Variants in ANKS1B observed in about 807,000 individuals in gnomAD.
The protein encoded by ANKS1B is ankyrin repeat and sterile alpha motif domain-containing protein 1B.
A neutral mutation model predicts 148.3 loss-of-function variants in ANKS1B; 36 were observed. The observed-to-expected ratio is 0.24, with a 90% confidence interval of 0.19 to 0.32. The LOEUF is 0.32. Ranked by LOEUF, ANKS1B falls within the 10% of genes least tolerant of loss-of-function variation. The pLI is 1.00. For missense variants in ANKS1B, 1,157 were observed against 1,542.6 expected (o/e 0.75, Z 4.19); for synonymous variants, 542 against 560.8 (o/e 0.97, Z 0.47).
At chr12:99,168,579 G>C (rs1276362985) in intron 14 of ANKS1B, among the ~76,000 whole-genome samples, 1 of 151,924 alleles carries the variant, frequency 6.6e-6, no homozygotes, top group Non-Finnish European at 1.5e-5. Flanking sequence ...AGAATGATGA[G>C]GAGGGAAGCA....
intron 7 of ANKS1B, among the ~76,000 whole-genome samples, chr12:99,773,837 T>A (rs889291817): frequency 3.3e-5 from 5 of 152,138 alleles, no homozygotes; most frequent in Non-Finnish European, 7.4e-5. Context: ...TCTGTTTTCA[T>A]GCCTGTACCA....
intron 17 of ANKS1B, among the ~76,000 whole-genome samples, chr12:98,908,373 C>G (rs1027394795): frequency 2.0e-5 from 3 of 152,198 alleles, no homozygotes; most frequent in Non-Finnish European, 4.4e-5. Context: ...CTACCATTAC[C>G]TTCTCTGTGA....
chr12:99,128,684 G>A (rs2372734), intron 15 of ANKS1B, among the ~76,000 whole-genome samples: 1 of 151,974 alleles, frequency 6.6e-6, no homozygotes, highest in South Asian at 2.1e-4. Flanking sequence ...ATACTCAGGA[G>A]CAGCCTGTGG....
At chr12:99,235,389 T>C (rs1051147432) in intron 14 of ANKS1B, among the ~76,000 whole-genome samples, 10 of 152,098 alleles carry the variant, frequency 6.6e-5, no homozygotes, top group African/African-American at 1.9e-4. Flanking sequence ...ATCCTCAGTA[T>C]TGAGGAACTT....
chr12:98,857,948 GTC>G (rs2152082004), intron 17 of ANKS1B, among the ~76,000 whole-genome samples: 1 of 152,280 alleles, frequency 6.6e-6, no homozygotes, highest in East Asian at 1.9e-4. Flanking sequence ...CTATGGTGTA[GTC>G]TTATCTTTTT....
chr12:98,837,867 AAAGT>A (rs1411862158), intron 17 of ANKS1B, among the ~76,000 whole-genome samples: 1 of 152,222 alleles, frequency 6.6e-6, no homozygotes, highest in Non-Finnish European at 1.5e-5. Flanking sequence ...TGCTTTTAAA[AAAGT>A]AAATAACATT....
intron 8 of ANKS1B, among the ~76,000 whole-genome samples, chr12:99,767,579 T>C (rs1010141128): frequency 2.0e-5 from 3 of 152,054 alleles, no homozygotes; most frequent in African/African-American, 2.4e-5. Flanking sequence ...ATAAAGAGAA[T>C]AGAAAATTTT....
intron 8 of ANKS1B, among the ~76,000 whole-genome samples, chr12:99,676,336 A>C (rs756920949): frequency 3.9e-5 from 6 of 152,200 alleles, no homozygotes; most frequent in Non-Finnish European, 7.3e-5. Flanking sequence ...AAATATATTA[A>C]AACACATCTC....
intron 8 of ANKS1B, among the ~76,000 whole-genome samples, chr12:99,667,543 T>C (rs916435878): frequency 6.6e-6 from 1 of 152,158 alleles, no homozygotes; most frequent in African/African-American, 2.4e-5. Flanking sequence ...AATAAAGAGT[T>C]TTACTTTTCT....
intron 11 of ANKS1B, among the ~76,000 whole-genome samples, chr12:99,434,942 A>G (rs936503597): frequency 8.5e-5 from 13 of 152,130 alleles, no homozygotes; most frequent in African/African-American, 3.1e-4. Flanking sequence ...GTGGGCACAA[A>G]GTATAAAAAA....
chr12:98,776,466 G>C (rs968998521), intron 24 of ANKS1B, among the ~76,000 whole-genome samples: 2 of 152,224 alleles, frequency 1.3e-5, no homozygotes, highest in African/African-American at 4.8e-5. Flanking sequence ...CTTGGGGATA[G>C]AAATTCTGGC....
intron 1 of ANKS1B, among the ~76,000 whole-genome samples, chr12:99,890,621 G>A (rs981898166): frequency 9.1e-6 from 1 of 110,458 alleles, no homozygotes; most frequent in Non-Finnish European, 2.0e-5. Flanking sequence ...GTGTGTGTGT[G>A]TGTATTCTCT....
chr12:99,782,958 G>A (rs1173212182), intron 4 of ANKS1B, among the ~76,000 whole-genome samples: 2 of 152,122 alleles, frequency 1.3e-5, no homozygotes, highest in Non-Finnish European at 2.9e-5. Context: ...GGGAGCCAAG[G>A]CAGGTGGATT....
At chr12:99,054,011 T>C (rs1466719355) in intron 16 of ANKS1B, among the ~76,000 whole-genome samples, 2 of 152,184 alleles carry the variant, frequency 1.3e-5, no homozygotes, top group Non-Finnish European at 2.9e-5. Flanking sequence ...TGAGTTTAAA[T>C]TGGAGTGTGA....
chr12:99,130,206 A>G (rs938191312), intron 15 of ANKS1B, among the ~76,000 whole-genome samples: 1 of 152,208 alleles, frequency 6.6e-6, no homozygotes, highest in Admixed American at 6.5e-5. Flanking sequence ...TAATCCAGCA[A>G]TTTCTTCCAC....
At chr12:99,588,929 C>A (rs2097671303) in intron 9 of ANKS1B, among the ~76,000 whole-genome samples, 1 of 152,138 alleles carries the variant, frequency 6.6e-6, no homozygotes, top group Admixed American at 6.6e-5. Context: ...ATTTCCCTAC[C>A]TATTTTATTA....
chr12:99,254,852 A>G (rs1474428591), intron 12 of ANKS1B, among the ~76,000 whole-genome samples: 4 of 152,216 alleles, frequency 2.6e-5, no homozygotes, highest in African/African-American at 9.6e-5. Context: ...ATGGGATACC[A>G]ACAGGATAAA....
chr12:99,293,587 G>A (rs569382431), intron 12 of ANKS1B, among the ~76,000 whole-genome samples: 81 of 152,168 alleles, frequency 5.3e-4, no homozygotes, highest in Middle Eastern at 3.4e-3. Context: ...AAGAAAATGG[G>A]GAAACTCTCC....
intron 9 of ANKS1B, among the ~76,000 whole-genome samples, chr12:99,588,855 GATC>G (rs750199634): frequency 6.6e-6 from 1 of 152,132 alleles, no homozygotes; most frequent in Admixed American, 6.6e-5. Flanking sequence ...ATTTAACAGA[GATC>G]ATATTTTAGA....
Sources: allele counts gnomAD v4.1 joint callset (sites outside exome capture counted in the v4.1 genomes callset), GRCh38; gene constraint gnomAD v4.1.1; transcripts MANE v1.5; gene names NCBI Gene and HGNC (gene_info 2026-07-23, HGNC 2026-07-21).